The following ZNF138 variants were observed in gnomAD, a reference collection of about 807,000 sequenced individuals.
ZNF138 encodes zinc finger protein 138 (clone pHZ-32).
ZNF138 carries 33 observed loss-of-function variants against 33.0 expected under a neutral mutation model. That is an observed-to-expected ratio of 1.00 (90% CI 0.76 to 1.34). ZNF138 has a LOEUF of 1.34. Among genes scored for constraint, ZNF138 ranks in the 40% most tolerant of loss-of-function variants. The pLI is 0.00. For missense variants in ZNF138, 360 were observed against 370.8 expected, an observed-to-expected ratio of 0.97 and a Z score of 0.24; for synonymous variants, 139 against 120.4, an observed-to-expected ratio of 1.15 and a Z score of -1.01.
intron 1 of ZNF138, among the ~76,000 whole-genome samples, chr7:64,796,658 G>T (rs1786710851): frequency 6.6e-6 from 1 of 152,176 alleles, no homozygotes; most frequent in Non-Finnish European, 1.5e-5. Context: ...ATGGCTGGGT[G>T]ATGTCCAAGA....
chr7:64,795,580 A>G (rs936730391), intron 1 of ZNF138, among the ~76,000 whole-genome samples: 2 of 152,138 alleles, frequency 1.3e-5, no homozygotes, highest in African/African-American at 4.8e-5. Flanking sequence ...CAAAGCATGG[A>G]TGGCATTTTA....
chr7:64,819,669 T>G (rs1199533823), intron 3 of ZNF138, among the ~76,000 whole-genome samples: 1 of 151,906 alleles, frequency 6.6e-6, no homozygotes, highest in Non-Finnish European at 1.5e-5. Context: ...ACATCCGGCC[T>G]GAGGGTAATT....
chr7:64,797,966 A>T (rs565593011), intron 1 of ZNF138, among the ~76,000 whole-genome samples: 1 of 152,022 alleles, frequency 6.6e-6, no homozygotes, highest in Non-Finnish European at 1.5e-5. Context: ...TTTGAGACAG[A>T]GTCTTACTTT....
chr7:64,804,763 AGAGT>A (rs2128989899), intron 1 of ZNF138, among the ~76,000 whole-genome samples: 1 of 152,302 alleles, frequency 6.6e-6, no homozygotes, highest in South Asian at 2.1e-4. Context: ...CCTGGGTGAC[AGAGT>A]GAGACTCTGT....
intron 3 of ZNF138, among the ~76,000 whole-genome samples, chr7:64,818,721 G>C (rs572798753): frequency 7.3e-6 from 1 of 137,282 alleles, no homozygotes; most frequent in East Asian, 2.7e-4. Context: ...CTGCACTTTA[G>C]CCTGGGTGAC....
At chr7:64,799,208 C>T (rs1467737777) in intron 1 of ZNF138, among the ~76,000 whole-genome samples, 2 of 151,658 alleles carry the variant, frequency 1.3e-5, no homozygotes, top group African/African-American at 4.8e-5. Context: ...CTCTTGTTGC[C>T]CAGGCTGGAG....
At chr7:64,805,323 C>T (rs776296716) in intron 1 of ZNF138, among the ~76,000 whole-genome samples, 7 of 151,410 alleles carry the variant, frequency 4.6e-5, no homozygotes, top group African/African-American at 9.8e-5. Context: ...TGCTTGAACC[C>T]GGAAGGTGGA....
downstream of ZNF138, chr7:64,835,363 A>G (rs1263027684): frequency 3.3e-5 from 5 of 152,238 alleles, no homozygotes; most frequent in Admixed American, 3.3e-4. Context: ...GGGTGAAGTA[A>G]CATCTGGTTG....
the ZNF138 span, among the ~76,000 whole-genome samples, chr7:64,839,004 G>C: frequency 6.6e-6 from 1 of 152,176 alleles, no homozygotes; most frequent in Admixed American, 6.5e-5. Flanking sequence ...AGGCTGGTCA[G>C]ACTTCAAGGG....
intron 3 of ZNF138, among the ~76,000 whole-genome samples, chr7:64,818,854 T>C (rs957368176): frequency 6.6e-6 from 1 of 152,210 alleles, no homozygotes; most frequent in Admixed American, 6.5e-5. Flanking sequence ...TGGATGGCAC[T>C]AATTCAAAAT....
At chr7:64,817,774 C>T (rs1250463192) in intron 3 of ZNF138, among the ~76,000 whole-genome samples, 2 of 151,698 alleles carry the variant, frequency 1.3e-5, no homozygotes, top group African/African-American at 4.8e-5. Context: ...TTTTTATTTT[C>T]TATTTCATAT....
At chr7:64,794,699 C>T (rs1786547543) in intron 1 of ZNF138, 128 bp downstream of exon 1, 2 of 1,385,722 alleles carry the variant, frequency 1.4e-6, no homozygotes, top group South Asian at 2.5e-5. Flanking sequence ...GAGTTCTTGG[C>T]ACAGCTCGGC....
At chr7:64,804,800 A>C (rs1787443282) in intron 1 of ZNF138, among the ~76,000 whole-genome samples, 1 of 152,094 alleles carries the variant, frequency 6.6e-6, no homozygotes, top group African/African-American at 2.4e-5. Context: ...TGTTCTGGTG[A>C]AAACTGTCAG....
At chr7:64,840,078 G>A in the ZNF138 span, among the ~76,000 whole-genome samples, 3 of 152,106 alleles carry the variant, frequency 2.0e-5, no homozygotes, top group Non-Finnish European at 2.9e-5. Flanking sequence ...GGTGGGAACA[G>A]GAAAGGTGAA....
At chr7:64,842,159 G>A in the ZNF138 span, among the ~76,000 whole-genome samples, 1 of 152,212 alleles carries the variant, frequency 6.6e-6, no homozygotes, top group Non-Finnish European at 1.5e-5. Context: ...CGCCTCTTGG[G>A]TGCAAGCAAT....
chr7:64,847,914 G>GT, the ZNF138 span, among the ~76,000 whole-genome samples: 43 of 151,000 alleles, frequency 2.8e-4, no homozygotes, highest in Admixed American at 9.9e-4. Context: ...CCTGTATACT[G>GT]TTTTTTTTTA....
intron 1 of ZNF138, among the ~76,000 whole-genome samples, chr7:64,805,840 G>A (rs1339824052): frequency 6.6e-6 from 1 of 152,188 alleles, no homozygotes; most frequent in East Asian, 1.9e-4. Flanking sequence ...TTTGTCGTTG[G>A]TTATAACCAA....
intron 1 of ZNF138, among the ~76,000 whole-genome samples, chr7:64,812,459 C>T (rs1014360752): frequency 6.6e-6 from 1 of 152,130 alleles, no homozygotes; most frequent in African/African-American, 2.4e-5. Context: ...TGTGCCCAGC[C>T]TGAGAGTTAA....
In ZNF138 at chr7:64,794,604, G is replaced by A. The variant is rs746255749; in HGVS notation, c.3+33G>A. 10 of 1,613,170 alleles carry A rather than the reference G, an allele frequency of 6.2e-6. No homozygotes were observed. The African/African-American group carries it at 8.0e-5, about 13-fold the overall frequency. On this transcript the variant is annotated intron_variant, in intron 1 of 3. Coordinates refer to ENST00000307355, the MANE Select transcript of ZNF138 (RefSeq NM_001271639.2). ...TGCTGGGTCCGACATCCCGAGAGAG[G>A]GGGAGGGAGCTGGTTGGAACCGGTC...
Sources: allele counts gnomAD v4.1 joint callset (sites outside exome capture counted in the v4.1 genomes callset), GRCh38; gene constraint gnomAD v4.1.1; transcripts MANE v1.5; gene names NCBI Gene and HGNC (gene_info 2026-07-23, HGNC 2026-07-21).